The following ENTREP2 variants were observed in gnomAD, a reference collection of about 807,000 sequenced individuals.
ENTREP2 encodes protein ENTREP2.
At chr15:29,268,436 C>T in the ENTREP2 span, 2 of 234,574 alleles carry the variant, frequency 8.5e-6, no homozygotes, top group Non-Finnish European at 1.6e-5. Context: ...GTTAGGAGAC[C>T]TGATAATAGC....
the ENTREP2 span, among the ~76,000 whole-genome samples, chr15:29,167,748 A>G: frequency 6.6e-6 from 1 of 152,220 alleles, no homozygotes; most frequent in Non-Finnish European, 1.5e-5. Context: ...CCACTATGGA[A>G]AACAGTGTGG....
the ENTREP2 span, among the ~76,000 whole-genome samples, chr15:29,570,154 G>T: frequency 6.6e-6 from 1 of 151,304 alleles, no homozygotes; most frequent in Non-Finnish European, 1.5e-5. Context: ...CGCCTCGGCC[G>T]CGGCCGCTCG....
the ENTREP2 span, among the ~76,000 whole-genome samples, chr15:29,480,512 G>A: frequency 7.9e-5 from 12 of 151,986 alleles, no homozygotes; most frequent in Admixed American, 7.9e-4. Context: ...CAGGCTCACT[G>A]GAGCACGGTC....
the ENTREP2 span, among the ~76,000 whole-genome samples, chr15:29,284,227 A>G: frequency 6.6e-6 from 1 of 152,192 alleles, no homozygotes; most frequent in African/African-American, 2.4e-5. Context: ...AAATCATATA[A>G]GCTTCCAGAC....
At chr15:29,587,016 C>T in the ENTREP2 span, among the ~76,000 whole-genome samples, 2 of 151,874 alleles carry the variant, frequency 1.3e-5, no homozygotes, top group Non-Finnish European at 1.5e-5. Context: ...ACCAAATTCT[C>T]GAGGTAGAGG....
the ENTREP2 span, among the ~76,000 whole-genome samples, chr15:29,437,932 A>C: frequency 6.6e-6 from 1 of 152,242 alleles, no homozygotes; most frequent in Non-Finnish European, 1.5e-5. Context: ...TCAGTTACTT[A>C]ATTACAAACA....
the ENTREP2 span, chr15:29,268,904 C>T: frequency 1.2e-6 from 2 of 1,614,154 alleles, no homozygotes; most frequent in Non-Finnish European, 1.7e-6. Flanking sequence ...TGGACCTTGG[C>T]CACAAACTTA....
chr15:29,598,054 C>T, the ENTREP2 span, among the ~76,000 whole-genome samples: 1 of 151,922 alleles, frequency 6.6e-6, no homozygotes, highest in South Asian at 2.1e-4. Flanking sequence ...GCCTGGGAGG[C>T]AGAGGTTGCA....
chr15:29,361,659 C>A, the ENTREP2 span, among the ~76,000 whole-genome samples: 15 of 152,304 alleles, frequency 9.8e-5, no homozygotes, highest in African/African-American at 3.6e-4. Context: ...TGCGGCACAA[C>A]AGGCTCTGAG....
the ENTREP2 span, among the ~76,000 whole-genome samples, chr15:29,597,442 C>A: frequency 9.2e-5 from 14 of 151,952 alleles, no homozygotes; most frequent in Non-Finnish European, 1.8e-4. Context: ...GTAGTGAACG[C>A]CTGTAATCCC....
the ENTREP2 span, among the ~76,000 whole-genome samples, chr15:29,624,122 A>G: frequency 6.6e-6 from 1 of 152,202 alleles, no homozygotes; most frequent in African/African-American, 2.4e-5. Context: ...GCCCACTGGT[A>G]CTTTCGACTT....
At chr15:29,567,135 T>G in the ENTREP2 span, among the ~76,000 whole-genome samples, 1 of 152,316 alleles carries the variant, frequency 6.6e-6, no homozygotes, top group East Asian at 1.9e-4. Flanking sequence ...GCTGACTCAC[T>G]GGCTGGCACA....
At chr15:29,223,924 C>T in the ENTREP2 span, among the ~76,000 whole-genome samples, 259 of 152,268 alleles carry the variant, frequency 1.7e-3, 1 homozygote, top group Non-Finnish European at 1.3e-3. Flanking sequence ...TGAAGCTTGC[C>T]CGCCCCCAGC....
At chr15:29,211,321 C>G in the ENTREP2 span, among the ~76,000 whole-genome samples, 2 of 152,324 alleles carry the variant, frequency 1.3e-5, no homozygotes, top group Admixed American at 6.5e-5. Flanking sequence ...AACCACCTCT[C>G]AGACACACTC....
At chr15:29,326,447 A>T in the ENTREP2 span, among the ~76,000 whole-genome samples, 1 of 152,192 alleles carries the variant, frequency 6.6e-6, no homozygotes, top group Non-Finnish European at 1.5e-5. Flanking sequence ...GGAATTTGAA[A>T]TTTAAAATGT....
the ENTREP2 span, among the ~76,000 whole-genome samples, chr15:29,438,920 G>T: frequency 6.6e-6 from 1 of 152,092 alleles, no homozygotes; most frequent in Non-Finnish European, 1.5e-5. Flanking sequence ...GAGGCCAGAG[G>T]CAACAGGAAC....
the ENTREP2 span, among the ~76,000 whole-genome samples, chr15:29,627,640 G>A: frequency 1.3e-5 from 2 of 151,192 alleles, no homozygotes; most frequent in African/African-American, 4.9e-5. Context: ...TAAATGGTAA[G>A]TCCTTATTCC....
chr15:29,494,409 A>G, the ENTREP2 span, among the ~76,000 whole-genome samples: 13 of 152,340 alleles, frequency 8.5e-5, no homozygotes, highest in African/African-American at 2.9e-4. Context: ...TAAAAATTGT[A>G]TATATTTTAG....
the ENTREP2 span, among the ~76,000 whole-genome samples, chr15:29,411,569 A>G: frequency 6.6e-6 from 1 of 152,184 alleles, no homozygotes; most frequent in East Asian, 1.9e-4. Context: ...GGAGTTCACT[A>G]CATGAAATCA....
Sources: allele counts gnomAD v4.1 joint callset (sites outside exome capture counted in the v4.1 genomes callset), GRCh38; gene constraint gnomAD v4.1.1; transcripts MANE v1.5; gene names NCBI Gene and HGNC (gene_info 2026-07-23, HGNC 2026-07-21).